The following DNAH17 variants were observed in gnomAD, a reference collection of about 807,000 sequenced individuals.
The protein encoded by DNAH17 is dynein axonemal heavy chain 17.
Under a neutral mutation model 485.6 loss-of-function variants are expected in DNAH17, and 376 were observed. That is an observed-to-expected ratio of 0.77 (90% CI 0.71 to 0.84). DNAH17 has a LOEUF of 0.84. Ranked by LOEUF, DNAH17 falls within the 40% of genes least tolerant of loss-of-function variation. DNAH17 has a pLI of 0.00. For missense variants in DNAH17, 6,370 were observed against 5,839.3 expected (o/e 1.09, Z -2.96); for synonymous variants, 3,031 against 2,405.9 (o/e 1.26, Z -7.60).
At chr17:78,432,377 C>T (rs552593844) in intron 75 of DNAH17, among the ~76,000 whole-genome samples, 2 of 48,366 alleles carry the variant, frequency 4.1e-5, no homozygotes, top group East Asian at 1.2e-3. Context: ...CGGCACCCTG[C>T]CCCATCGACC....
intron 25 of DNAH17, among the ~76,000 whole-genome samples, chr17:78,523,527 A>C (rs1011375972): frequency 6.6e-6 from 1 of 152,160 alleles, no homozygotes; most frequent in Admixed American, 6.5e-5. Context: ...AAACTTAAAA[A>C]AAGTCAATTG....
chr17:78,433,962 A>AAGGAGGGAGGGG, intron 75 of DNAH17, 67 bp downstream of exon 75: 2 of 1,303,680 alleles, frequency 1.5e-6, no homozygotes, highest in Admixed American at 2.1e-5. Context: ...GGAGGGAGGG[A>AAGGAGGGAGGGG]AGGAGGGAGG....
chr17:78,530,534 G>A (rs779082601), intron 20 of DNAH17, 22 bp from the exon 21 acceptor site: 27 of 1,591,138 alleles, frequency 1.7e-5, no homozygotes, highest in South Asian at 1.1e-4. Flanking sequence ...GGCCACCGGC[G>A]GCCTGTCATA....
intron 80 of DNAH17, chr17:78,425,084 T>C (rs140534248): frequency 2.0e-4 from 80 of 393,666 alleles, no homozygotes; most frequent in African/African-American, 1.5e-3. Flanking sequence ...TCACAAGCTC[T>C]GCTGTTTTCA....
At chr17:78,511,880 C>T (rs540634695) in intron 26 of DNAH17, among the ~76,000 whole-genome samples, 1 of 152,366 alleles carries the variant, frequency 6.6e-6, no homozygotes, top group East Asian at 1.9e-4. Flanking sequence ...GAACCTGTTA[C>T]CAGGCATCCG....
rs1354245233 is a variant in DNAH17, at chr17:78,467,462, C to T, written c.8779-646G>A. Among the ~76,000 whole-genome samples the T allele has an allele frequency of 2.0e-5, 3 of 152,224 alleles. No homozygotes were observed. In the East Asian group the frequency reaches 5.8e-4, roughly 29 times the overall value. ...CAGGACAGAGCCGGCACTGGCAGGG[C>T]ACCAAAGAGGATCCAGGAGCAGGCA... On this transcript the variant is annotated intron_variant, in intron 55 of 80. Coordinates refer to ENST00000389840, the MANE Select transcript of DNAH17 (RefSeq NM_173628.4).
At chr17:78,491,929 C>T (rs2089875410) in intron 42 of DNAH17, among the ~76,000 whole-genome samples, 1 of 152,232 alleles carries the variant, frequency 6.6e-6, no homozygotes, top group Non-Finnish European at 1.5e-5. Flanking sequence ...CAGCAGAAGT[C>T]TGCGGAGCAC....
chr17:78,460,321 C>CGTGCATGTGTATGTGT (rs1555659292), intron 58 of DNAH17, 64 bp from the exon 59 acceptor site: 1 of 870,496 alleles, frequency 1.1e-6, no homozygotes, highest in Non-Finnish European at 1.8e-6. Context: ...GGGGCGTGTA[C>CGTGCATGTGTATGTGT]GTGCATGTGT....
Position 78,455,838 on chromosome 17 carries a change from T to C in DNAH17, c.9978-2A>G, listed in dbSNP as rs376808768. 2.5e-6 allele frequency: 4 copies of C among 1,595,010 alleles called. No individual in the cohort carries two copies. The African/African-American group carries it at 5.4e-5, about 22-fold the overall frequency. On this transcript the variant is annotated splice_acceptor_variant, in intron 62 of 80. Transcript: ENST00000389840. LOFTEE classifies it high-confidence loss of function. Reference sequence around the variant, plus strand: ...TCCGATGCTAATCCCCCGACCAGCCTAAAGTGGGATGAGAGAGAATAAAAC... The same window carrying C: ...TCCGATGCTAATCCCCCGACCAGCCCAAAGTGGGATGAGAGAGAATAAAAC...
chr17:78,505,007 G>C (rs2090441352), intron 31 of DNAH17, among the ~76,000 whole-genome samples: 2 of 143,536 alleles, frequency 1.4e-5, no homozygotes, highest in Admixed American at 1.5e-4. Flanking sequence ...CCGGGTTCAA[G>C]CGATTCTCCT....
At position 78,503,028 on chromosome 17, in the gene DNAH17, C is replaced by T. The variant is rs781386741; in HGVS notation, c.4957-17G>A. On this transcript the variant is annotated splice_polypyrimidine_tract_variant and intron_variant, in intron 31 of 80. Coordinates refer to ENST00000389840, the MANE Select transcript of DNAH17 (RefSeq NM_173628.4). ...CACTTCCACCTGGGGACGGGAGCCA[C>T]GGTGACCAATACAGCCATGTGTGCC... 26 of 1,610,846 alleles carry T rather than the reference C, an allele frequency of 1.6e-5. No homozygotes were observed. Among genetic ancestry groups the T allele is most frequent in the Middle Eastern group, 3.3e-4 (2 of 6,066 alleles).
At chr17:78,536,203 G>A (rs2091368905) in intron 19 of DNAH17, among the ~76,000 whole-genome samples, 1 of 152,096 alleles carries the variant, frequency 6.6e-6, no homozygotes, top group African/African-American at 2.4e-5. Flanking sequence ...ACTTTGGGAG[G>A]CCAAGGCGGG....
intron 14 of DNAH17, among the ~76,000 whole-genome samples, chr17:78,556,139 T>C (rs545137527): frequency 5.8e-4 from 88 of 152,204 alleles, no homozygotes; most frequent in African/African-American, 2.0e-3. Flanking sequence ...CCCCCATCTA[T>C]AGCTATCTAT....
At chr17:78,479,673 G>A (rs762609064) in intron 49 of DNAH17, 41 bp from the exon 50 acceptor site, 2 of 1,607,472 alleles carry the variant, frequency 1.2e-6, no homozygotes, top group Admixed American at 1.7e-5. Context: ...GCCAGCTCTT[G>A]GGGACCTGCC....
At chr17:78,513,642 G>C (rs561764817) in intron 26 of DNAH17, among the ~76,000 whole-genome samples, 2 of 152,180 alleles carry the variant, frequency 1.3e-5, no homozygotes, top group African/African-American at 4.8e-5. Flanking sequence ...CACCATGTTG[G>C]CCAGGCTGGT....
chr17:78,501,552 C>T, intron 34 of DNAH17, 190 bp downstream of exon 34: 1 of 977,426 alleles, frequency 1.0e-6, no homozygotes, highest in Non-Finnish European at 1.5e-6. Flanking sequence ...GCGGGCACCG[C>T]TCATCTGACT....
rs2146669082 is a variant in DNAH17, at chr17:78,490,727, T to G, written c.6790A>C (p.Ile2264Leu). ...ATVSRAGILY[I>L]NPADLGWNPV... The stretch of plus-strand genomic sequence containing the variant: ...TTCCATCCCAGGTCGGCTGGGTTGA[T>G]GTAGAGGATGCCGGCTCTGGAAACG... The change falls in exon 44 of 81, where the codon ATC (isoleucine) becomes CTC (leucine). Residue 2264 changes from isoleucine (I) to leucine (L), a missense_variant. Physicochemically the swap from Ile to Leu is conservative, Grantham distance 5. Coordinates refer to ENST00000389840, the MANE Select transcript of DNAH17 (RefSeq NM_173628.4). The G allele has an allele frequency of 6.2e-7, 1 of 1,608,272 alleles. No individual in the cohort carries two copies. Among genetic ancestry groups the G allele is most frequent in the Admixed American group, 1.7e-5 (1 of 59,176 alleles).
In DNAH17 at chr17:78,450,801, C is replaced by T; in HGVS notation, c.10780G>A (p.Glu3594Lys). The change falls in exon 67 of 81, where the codon GAG (glutamate) becomes AAG (lysine). Residue 3594 changes from glutamate (E) to lysine (K), a missense_variant. Transcript: ENST00000389840. ...CGGGCCAGGAGCGAATCTTCCAGCTCTTTCAGAACAATCTTAAATTCGTTT... is the reference window on the plus strand; with the variant it reads ...CGGGCCAGGAGCGAATCTTCCAGCTTTTTCAGAACAATCTTAAATTCGTTT... ...SQNEFKIVLK[E>K]LEDSLLARLS... 6.2e-7 allele frequency: 1 copy of T among 1,614,046 alleles called. No homozygotes were observed. The highest frequency in any genetic ancestry group is 8.5e-7 in the Non-Finnish European group (1 of 1,179,908).
intron 46 of DNAH17, 39 bp from the exon 47 acceptor site, chr17:78,485,796 C>G: frequency 1.2e-6 from 2 of 1,603,852 alleles, no homozygotes; most frequent in Non-Finnish European, 8.5e-7. Flanking sequence ...CTGTGATTCT[C>G]AGACACTTCT....
Sources: allele counts gnomAD v4.1 joint callset (sites outside exome capture counted in the v4.1 genomes callset), GRCh38; gene constraint gnomAD v4.1.1; transcripts MANE v1.5; gene names NCBI Gene and HGNC (gene_info 2026-07-23, HGNC 2026-07-21).